Variants in AGMO observed in about 807,000 individuals in gnomAD.
The protein encoded by AGMO is glyceryl-ether monooxygenase.
In AGMO, 75 loss-of-function variants were observed where a neutral mutation model predicts 60.2. The observed-to-expected ratio is 1.25, with a 90% CI of 1.03 to 1.51. The LOEUF is 1.51. Ranked by LOEUF, AGMO falls within the 40% of genes most tolerant of loss-of-function variation. The probability of loss-of-function intolerance (pLI) is 0.00; values close to 1 mark genes in which losing one functional copy is unlikely to be tolerated. For missense variants in AGMO, 763 were observed against 525.5 expected (o/e 1.45, Z -4.42); for synonymous variants, 261 against 177.1 (o/e 1.47, Z -3.76).
the AGMO span, among the ~76,000 whole-genome samples, chr7:15,193,031 G>A: frequency 5.3e-5 from 8 of 152,046 alleles, no homozygotes; most frequent in Non-Finnish European, 1.0e-4. Flanking sequence ...GGCATTTTTT[G>A]AAGATATTGT....
At chr7:15,147,109 G>A in the AGMO span, among the ~76,000 whole-genome samples, 1 of 152,062 alleles carries the variant, frequency 6.6e-6, no homozygotes, top group East Asian at 1.9e-4. Flanking sequence ...GCCTTCTCTG[G>A]GGTCCCTCCT....
chr7:15,453,939 ATATC>A (rs1410069591), intron 3 of AGMO, among the ~76,000 whole-genome samples: 1 of 148,610 alleles, frequency 6.7e-6, no homozygotes, highest in Non-Finnish European at 1.5e-5. Flanking sequence ...TTATTATATA[ATATC>A]TATTATGTAA....
intron 6 of AGMO, among the ~76,000 whole-genome samples, chr7:15,392,392 G>A (rs1409183368): frequency 6.6e-6 from 1 of 151,962 alleles, no homozygotes; most frequent in Non-Finnish European, 1.5e-5. Flanking sequence ...TATATAGAAG[G>A]AACTGCAAGT....
At chr7:15,225,396 A>T (rs1277559999) in intron 12 of AGMO, among the ~76,000 whole-genome samples, 1 of 151,920 alleles carries the variant, frequency 6.6e-6, no homozygotes, top group Non-Finnish European at 1.5e-5. Flanking sequence ...TATGTCAAAG[A>T]TTACAAATGT....
chr7:15,275,432 G>C (rs1219263811), intron 12 of AGMO, among the ~76,000 whole-genome samples: 1 of 151,870 alleles, frequency 6.6e-6, no homozygotes, highest in Non-Finnish European at 1.5e-5. Context: ...TTTTTTAATT[G>C]ATTGAGATTT....
the AGMO span, among the ~76,000 whole-genome samples, chr7:15,137,884 A>C: frequency 4.7e-5 from 7 of 150,066 alleles, no homozygotes; most frequent in Non-Finnish European, 1.0e-4. Context: ...GCAATGAAAC[A>C]ATGTAGAAGG....
chr7:15,315,021 C>A (rs552632737), intron 12 of AGMO, among the ~76,000 whole-genome samples: 1 of 151,974 alleles, frequency 6.6e-6, no homozygotes, highest in African/African-American at 2.4e-5. Flanking sequence ...GCTGATAGCC[C>A]GCAAGAAAAA....
intron 3 of AGMO, among the ~76,000 whole-genome samples, chr7:15,467,191 G>C (rs573885066): frequency 2.6e-3 from 400 of 152,226 alleles, no homozygotes; most frequent in African/African-American, 9.2e-3. Context: ...ATAAAATGTT[G>C]TACTCTTCCA....
chr7:15,294,657 AAAGGTGTT>A (rs1339270969), intron 12 of AGMO, among the ~76,000 whole-genome samples: 1 of 151,952 alleles, frequency 6.6e-6, no homozygotes, highest in Non-Finnish European at 1.5e-5. Flanking sequence ...TGATTGCTTT[AAAGGTGTT>A]AAGTGTTTAC....
the AGMO span, among the ~76,000 whole-genome samples, chr7:15,167,677 C>A: frequency 6.6e-6 from 1 of 152,250 alleles, no homozygotes; most frequent in South Asian, 2.1e-4. Flanking sequence ...GCTTTTCAAC[C>A]ACTTTAGAAG....
chr7:15,202,287 A>G (rs1277903214), intron 12 of AGMO, among the ~76,000 whole-genome samples: 1 of 151,908 alleles, frequency 6.6e-6, no homozygotes, highest in East Asian at 1.9e-4. Context: ...GAGAACATTT[A>G]ATTAAGAAGA....
At chr7:15,296,242 T>C (rs533513298) in intron 12 of AGMO, among the ~76,000 whole-genome samples, 1 of 152,156 alleles carries the variant, frequency 6.6e-6, no homozygotes, top group Non-Finnish European at 1.5e-5. Flanking sequence ...ATGTCAGAGA[T>C]AGAGGTCCAC....
At chr7:15,371,887 T>G (rs1202049893) in intron 10 of AGMO, among the ~76,000 whole-genome samples, 1 of 151,138 alleles carries the variant, frequency 6.6e-6, no homozygotes, top group South Asian at 2.1e-4. Flanking sequence ...TTCAACTAAA[T>G]TATTCAATCA....
chr7:15,409,157 G>A (rs1038226498), intron 5 of AGMO, among the ~76,000 whole-genome samples: 21 of 144,864 alleles, frequency 1.4e-4, no homozygotes, highest in South Asian at 4.3e-4. Context: ...GAACATCACC[G>A]AAGTATTTCA....
intron 3 of AGMO, among the ~76,000 whole-genome samples, chr7:15,491,745 G>T (rs779230098): frequency 2.0e-5 from 3 of 152,170 alleles, no homozygotes; most frequent in Non-Finnish European, 4.4e-5. Flanking sequence ...GGACCTCAGA[G>T]CATACCAAAA....
At chr7:15,474,883 G>C (rs553536886) in intron 3 of AGMO, among the ~76,000 whole-genome samples, 1 of 152,180 alleles carries the variant, frequency 6.6e-6, no homozygotes, top group African/African-American at 2.4e-5. Flanking sequence ...AGTGGGCGAA[G>C]AATATGGACA....
the AGMO span, among the ~76,000 whole-genome samples, chr7:15,153,905 T>C: frequency 6.6e-6 from 1 of 152,076 alleles, no homozygotes; most frequent in Non-Finnish European, 1.5e-5. Context: ...TGGTATTTGA[T>C]GGACACTGAA....
chr7:15,402,878 T>G (rs1784590213), intron 5 of AGMO, among the ~76,000 whole-genome samples: 1 of 151,720 alleles, frequency 6.6e-6, no homozygotes, highest in Non-Finnish European at 1.5e-5. Context: ...TCATTTATTC[T>G]GCAAATATTT....
intron 12 of AGMO, among the ~76,000 whole-genome samples, chr7:15,247,455 C>CAGAGAG (rs1201390163): frequency 2.1e-3 from 247 of 120,262 alleles, no homozygotes; most frequent in Middle Eastern, 0.014. Flanking sequence ...CACACACACA[C>CAGAGAG]ACACAGAGAG....
Sources: gnomAD v4.1 joint callset for allele counts (sites outside exome capture counted in the v4.1 genomes callset) on GRCh38, gnomAD v4.1.1 for gene constraint, MANE v1.5 for transcripts, NCBI Gene and HGNC (gene_info 2026-07-23, HGNC 2026-07-21) for gene names.